PARN: variants seen among roughly 807,000 people sequenced by gnomAD.
The protein encoded by PARN is poly(A)-specific ribonuclease PARN.
In PARN, 71 loss-of-function variants were observed where a neutral mutation model predicts 102.8. That is an observed-to-expected ratio of 0.69 (90% CI 0.57 to 0.84). The LOEUF (loss-of-function observed/expected upper bound fraction) is 0.84. PARN is among the 40% of genes least tolerant of loss of function. PARN has a pLI of 0.00. For missense variants in PARN, 782 were observed against 760.9 expected (o/e 1.03, Z -0.33); for synonymous variants, 261 against 252.9 (o/e 1.03, Z -0.30).
chr16:14,523,568 G>C (rs970043698), intron 21 of PARN, among the ~76,000 whole-genome samples: 2 of 152,196 alleles, frequency 1.3e-5, no homozygotes, highest in African/African-American at 4.8e-5. Context: ...AACACAGTCA[G>C]AGAAGTCTAT....
At chr16:14,621,170 A>AC (rs1283467034) in intron 5 of PARN, among the ~76,000 whole-genome samples, 1 of 152,116 alleles carries the variant, frequency 6.6e-6, no homozygotes, top group Non-Finnish European at 1.5e-5. Flanking sequence ...ACCAAGACTC[A>AC]ATGTATTTTG....
chr16:14,500,673 G>A (rs981265558), intron 21 of PARN, among the ~76,000 whole-genome samples: 25 of 152,100 alleles, frequency 1.6e-4, no homozygotes, highest in African/African-American at 5.3e-4. Context: ...CATAAGTAAA[G>A]TCTCATTTTA....
intron 18 of PARN, among the ~76,000 whole-genome samples, chr16:14,556,860 G>A (rs1486866583): frequency 1.3e-5 from 2 of 151,908 alleles, no homozygotes; most frequent in Middle Eastern, 3.2e-3. Context: ...TGAAATAAGT[G>A]ACTGTCTCAA....
At position 14,446,981 on chromosome 16, in the gene PARN, G is replaced by T. The variant is rs2151556959; in HGVS notation, c.1771C>A (p.Leu591Ile). The stretch of plus-strand genomic sequence containing the variant: ...TCTGCACAGGAATCGGTCTGCTCAA[G>T]CTCAGTGTCGGAAATCTCCCCTGAC... ...GVSGEISDTELEQTDSCAEPL... is the reference protein window; with the variant it reads ...GVSGEISDTEIEQTDSCAEPL... The change falls in exon 23 of 24, where the codon CTT (leucine) becomes ATT (isoleucine). Residue 591 changes from leucine to isoleucine, a missense_variant. Transcript: ENST00000437198. 6.2e-7 allele frequency: 1 copy of T among 1,613,634 alleles called. No homozygotes were observed. Among genetic ancestry groups the T allele is most frequent in the Non-Finnish European group, 8.5e-7 (1 of 1,179,590 alleles).
At chr16:14,449,427 G>C (rs1170644861) in intron 22 of PARN, among the ~76,000 whole-genome samples, 2 of 152,204 alleles carry the variant, frequency 1.3e-5, no homozygotes, top group African/African-American at 2.4e-5. Context: ...AAACGCGGGT[G>C]AATGCCTCCA....
At chr16:14,515,893 T>C (rs1423912191) in intron 21 of PARN, among the ~76,000 whole-genome samples, 1 of 152,050 alleles carries the variant, frequency 6.6e-6, no homozygotes, top group East Asian at 1.9e-4. Context: ...TGAGCTATGA[T>C]AGCACCAATG....
chr16:14,554,682 G>C (rs1967550272), intron 19 of PARN, among the ~76,000 whole-genome samples: 1 of 151,322 alleles, frequency 6.6e-6, no homozygotes, highest in East Asian at 1.9e-4. Context: ...GGCCTCAAGT[G>C]ATCCTCCCAC....
intron 18 of PARN, among the ~76,000 whole-genome samples, chr16:14,564,663 T>C (rs1968319606): frequency 6.6e-6 from 1 of 152,174 alleles, no homozygotes; most frequent in Admixed American, 6.5e-5. Flanking sequence ...AGACTTCTAA[T>C]GTCATGACAT....
chr16:14,609,982 C>A (rs905136517), intron 7 of PARN, among the ~76,000 whole-genome samples: 1 of 152,066 alleles, frequency 6.6e-6, no homozygotes, highest in East Asian at 1.9e-4. Context: ...GAGGCTGAGG[C>A]AGGAAGATCC....
chr16:14,485,249 T>C (rs995847668), intron 21 of PARN, among the ~76,000 whole-genome samples: 15 of 152,390 alleles, frequency 9.8e-5, no homozygotes, highest in African/African-American at 3.6e-4. Context: ...GATCCTTTCC[T>C]GAAAATCTTA....
intron 22 of PARN, among the ~76,000 whole-genome samples, chr16:14,480,332 G>T (rs971354576): frequency 1.3e-5 from 2 of 151,988 alleles, no homozygotes; most frequent in African/African-American, 4.8e-5. Flanking sequence ...TGTCTCAAAA[G>T]AAAAGAAGAA....
chr16:14,519,350 G>C, intron 21 of PARN, among the ~76,000 whole-genome samples: 1 of 129,636 alleles, frequency 7.7e-6, no homozygotes, highest in East Asian at 2.6e-4. Flanking sequence ...GTGGAGGGGA[G>C]GGGAGGGGAG....
At chr16:14,613,185 T>G (rs1193550365) in intron 6 of PARN, among the ~76,000 whole-genome samples, 2 of 151,584 alleles carry the variant, frequency 1.3e-5, no homozygotes, top group Non-Finnish European at 2.9e-5. Flanking sequence ...GGCACATGCC[T>G]GTAATCCCAG....
At chr16:14,514,646 A>C (rs909105327) in intron 21 of PARN, among the ~76,000 whole-genome samples, 10 of 152,202 alleles carry the variant, frequency 6.6e-5, no homozygotes, top group Non-Finnish European at 1.0e-4. Context: ...CATACTTAAA[A>C]TATGCCATAT....
chr16:14,548,172 TGG>T (rs1214457272), intron 21 of PARN, among the ~76,000 whole-genome samples: 12 of 150,844 alleles, frequency 8.0e-5, no homozygotes, highest in African/African-American at 2.9e-4. Flanking sequence ...CGCTTGAACC[TGG>T]GAGGTGGAGG....
At chr16:14,526,513 G>T (rs992783758) in intron 21 of PARN, among the ~76,000 whole-genome samples, 4 of 152,070 alleles carry the variant, frequency 2.6e-5, no homozygotes. Flanking sequence ...ATCTCAGGCC[G>T]CTTCCTTCTA....
At chr16:14,612,514 G>A (rs1450952832) in intron 6 of PARN, among the ~76,000 whole-genome samples, 1 of 152,214 alleles carries the variant, frequency 6.6e-6, no homozygotes, top group Non-Finnish European at 1.5e-5. Context: ...GCCACTAACT[G>A]ATGTGAAGAC....
At chr16:14,451,407 T>C (rs8051249) in intron 22 of PARN, among the ~76,000 whole-genome samples, 29,543 of 152,106 alleles carry the variant, frequency 0.19, 3,346 homozygotes, top group African/African-American at 0.31. Flanking sequence ...AACAGGAGAA[T>C]GGATAAACTG....
intron 20 of PARN, among the ~76,000 whole-genome samples, chr16:14,553,255 T>TAAAAA (rs1567377509): frequency 9.8e-5 from 3 of 30,726 alleles, no homozygotes; most frequent in African/African-American, 3.3e-4. Context: ...CTATTTCTAT[T>TAAAAA]TAAAAAAAAA....
Sources: allele counts gnomAD v4.1 joint callset (sites outside exome capture counted in the v4.1 genomes callset), GRCh38; gene constraint gnomAD v4.1.1; transcripts MANE v1.5; gene names NCBI Gene and HGNC (gene_info 2026-07-23, HGNC 2026-07-21).